The following TTC22 variants were observed in gnomAD, a reference collection of about 807,000 sequenced individuals.
The protein encoded by TTC22 is tetratricopeptide repeat protein 22.
TTC22 carries 42 observed loss-of-function variants against 48.2 expected under a neutral mutation model. The observed-to-expected ratio is 0.87, with a 90% confidence interval of 0.68 to 1.13. TTC22 has a LOEUF of 1.13. Among genes scored for constraint, TTC22 ranks in the 50% most tolerant of loss-of-function variants. The probability of loss-of-function intolerance (pLI) is 0.00; values close to 1 mark genes in which losing one functional copy is unlikely to be tolerated. For synonymous variants in TTC22, 345 were observed against 365.5 expected (o/e 0.94, Z 0.64); for missense variants, 784 against 807.0 (o/e 0.97, Z 0.34).
At chr1:54,782,521 G>T (rs1023061253) in intron 5 of TTC22, 44 bp from the exon 6 acceptor site, 2 of 1,504,322 alleles carry the variant, frequency 1.3e-6, no homozygotes, top group Non-Finnish European at 1.8e-6. Flanking sequence ...CCAGGCAAGG[G>T]CCTCTGCCTT....
At chr1:54,792,938 G>A (rs1202725285) in intron 1 of TTC22, 1 of 152,196 alleles carries the variant, frequency 6.6e-6, no homozygotes, top group East Asian at 1.9e-4. Context: ...AACCTCTTAT[G>A]GCTGCAAGGA....
chr1:54,790,372 CGT>C (rs1646340536), intron 1 of TTC22, among the ~76,000 whole-genome samples: 1 of 151,716 alleles, frequency 6.6e-6, no homozygotes, highest in South Asian at 2.1e-4. Flanking sequence ...AAAGTGAGAC[CGT>C]GTTTCTTAAA....
intron 3 of TTC22, chr1:54,787,355 G>A (rs984335031): frequency 1.8e-6 from 1 of 556,942 alleles, no homozygotes; most frequent in Admixed American, 3.4e-5. Flanking sequence ...ACCAGCTCTG[G>A]TGGTTCTAGT....
chr1:54,800,014 G>A lies in TTC22; in HGVS notation c.567+583C>T, dbSNP rs545581736. Reference sequence around the variant, plus strand: ...TTGGATCCAGACCATCTAACCCAGGGTCAGCTCTCTTAACCCCTACCCTGC... The same window carrying A: ...TTGGATCCAGACCATCTAACCCAGGATCAGCTCTCTTAACCCCTACCCTGC... On this transcript the variant is annotated intron_variant, in intron 1 of 6. Transcript: ENST00000371276. 2.6e-5 allele frequency among the ~76,000 whole-genome samples: 4 copies of A among 152,270 alleles called. No individual in the cohort carries two copies. The East Asian group carries it at 7.7e-4, about 29-fold the overall frequency.
intron 1 of TTC22, among the ~76,000 whole-genome samples, chr1:54,793,433 ACTTCAGG>A (rs1646367975): frequency 7.2e-5 from 11 of 152,272 alleles, no homozygotes; most frequent in African/African-American, 2.4e-4. Flanking sequence ...TTAACCTGGT[ACTTCAGG>A]CCAGGTCTCT....
chr1:54,796,692 AT>A lies in TTC22; in HGVS notation c.567+3904del, dbSNP rs35098842. Among the ~76,000 whole-genome samples the A allele has an allele frequency of 3.4e-3, 517 of 151,698 alleles. 3 individuals are homozygous for A. Among genetic ancestry groups the A allele is most frequent in the African/African-American group, 0.012 (495 of 41,404 alleles). On this transcript the variant is annotated intron_variant, in intron 1 of 6. Coordinates refer to ENST00000371276, the MANE Select transcript of TTC22 (RefSeq NM_001114108.2). ...ATAACTGAGTTGGCTTGGGACAGGGATTTTTTTTTAATCTTAGACAATAAAT... is the reference window on the plus strand; with the variant it reads ...ATAACTGAGTTGGCTTGGGACAGGGATTTTTTTTAATCTTAGACAATAAAT...
intron 4 of TTC22, 127 bp from the exon 5 acceptor site, chr1:54,786,271 T>C: frequency 1.4e-6 from 1 of 738,400 alleles, no homozygotes; most frequent in Non-Finnish European, 2.2e-6. Flanking sequence ...CCTTTACCCA[T>C]ATCCACCCTT....
chr1:54,790,493 G>C (rs1275734677), intron 1 of TTC22, among the ~76,000 whole-genome samples: 1 of 152,204 alleles, frequency 6.6e-6, no homozygotes, highest in African/African-American at 2.4e-5. Context: ...TATGTATATT[G>C]GGACTTTAGC....
intron 5 of TTC22, chr1:54,784,407 G>A: frequency 3.1e-6 from 1 of 318,796 alleles, no homozygotes; most frequent in Non-Finnish European, 4.5e-6. Flanking sequence ...GGAGAGTAAA[G>A]TTGGAGTTTC....
intron 1 of TTC22, among the ~76,000 whole-genome samples, chr1:54,796,692 A>AT (rs35098842): frequency 0.19 from 28,773 of 151,668 alleles, 3,187 homozygotes; most frequent in Middle Eastern, 0.34. Flanking sequence ...TGGGACAGGG[A>AT]TTTTTTTTTA....
At chr1:54,784,611 C>T (rs1303821648) in intron 5 of TTC22, 2 of 1,071,296 alleles carry the variant, frequency 1.9e-6, no homozygotes, top group Non-Finnish European at 2.3e-6. Flanking sequence ...TGGTTAATGT[C>T]ATTATTATCT....
chr1:54,798,958 T>C (rs1425526671), intron 1 of TTC22, among the ~76,000 whole-genome samples: 1 of 152,214 alleles, frequency 6.6e-6, no homozygotes, highest in Non-Finnish European at 1.5e-5. Context: ...CCTCTGACTC[T>C]AAAAGTGATG....
chr1:54,799,319 C>T (rs539284166), intron 1 of TTC22, among the ~76,000 whole-genome samples: 77 of 152,332 alleles, frequency 5.1e-4, no homozygotes, highest in Non-Finnish European at 1.0e-3. Context: ...GAAGAGCCAG[C>T]CTCTGATAGC....
rs765861915 is a variant in TTC22 at position 54,800,086 on chromosome 1, A to T, written c.567+511T>A. On this transcript the variant is annotated intron_variant, in intron 1 of 6. Transcript: ENST00000371276. ...CATGCCCTACAACCTGTACTTTCTG[A>T]GGTCTTGACTCTCACATCTTCTCTT... Among the ~76,000 whole-genome samples, 23 of 152,092 alleles carry T rather than the reference A, an allele frequency of 1.5e-4. 1 individual carries two copies. Among genetic ancestry groups the T allele is most frequent in the Non-Finnish European group, 2.9e-4 (20 of 68,022 alleles).
rs1299199839 is a variant in TTC22 at position 54,781,449 on chromosome 1, G to A, written c.1504C>T (p.Arg502Cys). Residue 502 changes from arginine to cysteine, a missense_variant, in exon 7 of 7, where the codon CGC (arginine) becomes TGC (cysteine). Transcript: ENST00000371276. The stretch of plus-strand genomic sequence containing the variant: ...GCGGGGTACTTGTCCTGGGCGCGGC[G>A]CAGCCAGGCGTCCACCTCGCGGCCC... ...ELGREVDAWL[R>C]RAQDKYPAAR... 2 of 1,447,812 alleles carry A rather than the reference G, an allele frequency of 1.4e-6. No individual in the cohort carries two copies. Among genetic ancestry groups the A allele is most frequent in the Middle Eastern group, 2.4e-4 (1 of 4,164 alleles). 89.7% of individuals were successfully genotyped at this position (1,447,812 alleles called of 1,614,324 possible). A position where few individuals can be genotyped will look rare whatever the true frequency, so the allele number is the denominator to read the frequency against.
At position 54,781,599 on chromosome 1, in the gene TTC22, C is replaced by T. The variant is rs955723530; in HGVS notation, c.1354G>A (p.Ala452Thr). ...TCCACTGCGCGCTTGAAGCAGGCGGCCGCGTTGGCGTCCTCGCCCTTGATG... is the reference window on the plus strand; with the variant it reads ...TCCACTGCGCGCTTGAAGCAGGCGGTCGCGTTGGCGTCCTCGCCCTTGATG... ...LRIKGEDANA[A>T]ACFKRAVELD... The change falls in exon 7 of 7, where the codon GCC becomes ACC. Residue 452 changes from alanine to threonine, a missense_variant. Transcript: ENST00000371276. 6.6e-6 allele frequency: 10 copies of T among 1,524,100 alleles called. No homozygotes were observed. The highest frequency in any genetic ancestry group is 2.5e-5 in the East Asian group (1 of 39,760). The allele number at this position is 1,524,100 out of a possible 1,614,324, so 94.4% of individuals were successfully genotyped here.
intron 1 of TTC22, among the ~76,000 whole-genome samples, chr1:54,794,213 C>G (rs1557775770): frequency 6.6e-6 from 1 of 152,110 alleles, no homozygotes; most frequent in Admixed American, 6.6e-5. Flanking sequence ...TCAGGGAAGG[C>G]TGAAGATCGA....
At chr1:54,787,864 T>C (rs1221364171) in intron 2 of TTC22, 38 bp from the exon 3 acceptor site, 1 of 1,549,602 alleles carries the variant, frequency 6.5e-7, no homozygotes. Flanking sequence ...GTGGCACCCC[T>C]CCCGGCTGTC....
intron 5 of TTC22, chr1:54,785,367 G>A (rs1646291946): frequency 7.1e-6 from 2 of 282,534 alleles, no homozygotes; most frequent in Non-Finnish European, 1.4e-5. Context: ...TAAGTGGCTT[G>A]CTGCAAGTTC....
Sources: allele counts gnomAD v4.1 joint callset (sites outside exome capture counted in the v4.1 genomes callset), GRCh38; gene constraint gnomAD v4.1.1; transcripts MANE v1.5; gene names NCBI Gene and HGNC (gene_info 2026-07-23, HGNC 2026-07-21).